The following MGAT4C variants were observed in gnomAD, a reference collection of about 807,000 sequenced individuals.
MGAT4C encodes the protein alpha-1,3-mannosyl-glycoprotein 4-beta-N-acetylglucosaminyltransferase C.
Under a neutral mutation model 40.1 loss-of-function variants are expected in MGAT4C, and 19 were observed. The observed-to-expected ratio is 0.47, with a 90% CI of 0.33 to 0.70. The LOEUF (loss-of-function observed/expected upper bound fraction) is 0.70, where lower values mean the gene tolerates loss of function less well. MGAT4C is among the 30% of genes least tolerant of loss of function. The probability of loss-of-function intolerance (pLI) is 0.02; values close to 1 mark genes in which losing one functional copy is unlikely to be tolerated. For missense variants in MGAT4C, 491 were observed against 563.2 expected (o/e 0.87, Z 1.30); for synonymous variants, 181 against 187.1 (o/e 0.97, Z 0.27).
chr12:86,813,644 C>T (rs1952522019), intron 1 of MGAT4C, among the ~76,000 whole-genome samples: 1 of 151,958 alleles, frequency 6.6e-6, no homozygotes, highest in Admixed American at 6.6e-5. Context: ...TGAGTCACTA[C>T]ATATTTCTGA....
In MGAT4C at chr12:85,979,282, T is replaced by G; in HGVS notation, c.*7A>C. 6.4e-7 allele frequency: 1 copy of G among 1,571,622 alleles called. No individual in the cohort carries two copies. The highest frequency in any genetic ancestry group is 8.6e-7 in the Non-Finnish European group (1 of 1,158,594). The stretch of plus-strand genomic sequence containing the variant: ...GCTTCAGAAACTGAACATACTGATT[T>G]AATTGGCTAAGAAGTCCAAATGCTA... On this transcript the variant is annotated 3_prime_UTR_variant, in exon 5 of 5. Coordinates refer to ENST00000611864, the MANE Select transcript of MGAT4C (RefSeq NM_001351288.2).
intron 1 of MGAT4C, among the ~76,000 whole-genome samples, chr12:86,765,731 A>AAT: frequency 6.6e-6 from 1 of 152,346 alleles, no homozygotes; most frequent in South Asian, 2.1e-4. Flanking sequence ...TAAAGAAAAG[A>AAT]ATATTCAACC....
intron 1 of MGAT4C, among the ~76,000 whole-genome samples, chr12:86,793,068 A>G (rs1952053639): frequency 6.6e-6 from 1 of 152,198 alleles, no homozygotes; most frequent in Admixed American, 6.5e-5. Context: ...AATACCCTAT[A>G]GCTTATTTGC....
intron 4 of MGAT4C, among the ~76,000 whole-genome samples, chr12:86,316,016 AT>A (rs1479877741): frequency 6.6e-6 from 1 of 150,812 alleles, no homozygotes; most frequent in Non-Finnish European, 1.5e-5. Context: ...AAAGCAAATA[AT>A]TCCATTAAAA....
intron 1 of MGAT4C, among the ~76,000 whole-genome samples, chr12:86,074,927 C>A (rs1031993464): frequency 6.6e-6 from 1 of 152,150 alleles, no homozygotes; most frequent in Non-Finnish European, 1.5e-5. Flanking sequence ...ATGGAAGCTA[C>A]AATTCAAAAT....
At chr12:86,054,426 G>A (rs1410773698) in intron 1 of MGAT4C, among the ~76,000 whole-genome samples, 2 of 151,972 alleles carry the variant, frequency 1.3e-5, no homozygotes, top group African/African-American at 4.8e-5. Flanking sequence ...GGCTGGAATG[G>A]AGGTGTGGAG....
intron 2 of MGAT4C, among the ~76,000 whole-genome samples, chr12:86,721,113 G>A (rs1445331418): frequency 6.6e-6 from 1 of 152,092 alleles, no homozygotes; most frequent in African/African-American, 2.4e-5. Flanking sequence ...ACTCATGCTT[G>A]AAAAACTAAA....
At chr12:86,655,752 C>A (rs79199787) in intron 2 of MGAT4C, among the ~76,000 whole-genome samples, 1,844 of 152,160 alleles carry the variant, frequency 0.012, 32 homozygotes, top group African/African-American at 0.042. Flanking sequence ...AGAACAAATC[C>A]TAGAACCATG....
chr12:86,476,755 G>GA (rs1317854137), intron 2 of MGAT4C, among the ~76,000 whole-genome samples: 12 of 152,024 alleles, frequency 7.9e-5, no homozygotes, highest in Admixed American at 3.3e-4. Context: ...CCATAAAAAG[G>GA]AAAAAAATTA....
intron 2 of MGAT4C, among the ~76,000 whole-genome samples, chr12:86,659,925 T>G (rs1304082244): frequency 2.0e-5 from 3 of 149,614 alleles, no homozygotes; most frequent in African/African-American, 7.4e-5. Flanking sequence ...AAGAGCAGGG[T>G]GATTAAAAAA....
chr12:86,504,588 T>C (rs1958436416), intron 2 of MGAT4C, among the ~76,000 whole-genome samples: 1 of 152,230 alleles, frequency 6.6e-6, no homozygotes, highest in South Asian at 2.1e-4. Context: ...CCAGTCAATC[T>C]AAATTCAGAA....
intron 1 of MGAT4C, among the ~76,000 whole-genome samples, chr12:86,788,793 T>C (rs1487681796): frequency 6.6e-6 from 1 of 152,162 alleles, no homozygotes; most frequent in African/African-American, 2.4e-5. Flanking sequence ...CAAAACATCA[T>C]TATGTAGAAA....
At chr12:86,700,684 T>C (rs1436036027) in intron 2 of MGAT4C, among the ~76,000 whole-genome samples, 1 of 152,120 alleles carries the variant, frequency 6.6e-6, no homozygotes, top group Non-Finnish European at 1.5e-5. Context: ...TAAATGACCA[T>C]AACTTTCCTG....
At position 86,333,517 on chromosome 12, in the gene MGAT4C, A is replaced by G. The variant is rs575253607; in HGVS notation, c.-57+548T>C. ...CAGGCTATCAAAGACAACTTATCAC[A>G]GGCCAAACAGTGAGCAGAGATGGCC... is the stretch of plus-strand genomic sequence containing the variant. On this transcript the variant is annotated intron_variant, in intron 4 of 7. Coordinates refer to the MGAT4C transcript ENST00000548651. Among the ~76,000 whole-genome samples the G allele has an allele frequency of 3.3e-5, 5 of 152,300 alleles. No homozygotes were observed. In the South Asian group the frequency reaches 1.0e-3, roughly 32 times the overall value.
At chr12:86,699,573 GC>G (rs1278348929) in intron 2 of MGAT4C, among the ~76,000 whole-genome samples, 2 of 151,984 alleles carry the variant, frequency 1.3e-5, no homozygotes, top group Non-Finnish European at 2.9e-5. Flanking sequence ...GGGGGTAGGA[GC>G]TGTTAACCCC....
At chr12:86,509,201 G>C (rs1232176764) in intron 2 of MGAT4C, among the ~76,000 whole-genome samples, 1 of 152,040 alleles carries the variant, frequency 6.6e-6, no homozygotes, top group Non-Finnish European at 1.5e-5. Context: ...GAGGTCTAAC[G>C]TTTAAGTCTT....
intron 3 of MGAT4C, among the ~76,000 whole-genome samples, chr12:86,358,090 T>C: frequency 6.6e-6 from 1 of 152,112 alleles, no homozygotes; most frequent in East Asian, 1.9e-4. Context: ...AAAGGTCAGG[T>C]TACTGACAAA....
At chr12:86,317,798 TAA>T (rs1392425387) in intron 4 of MGAT4C, among the ~76,000 whole-genome samples, 1 of 151,712 alleles carries the variant, frequency 6.6e-6, no homozygotes, top group Non-Finnish European at 1.5e-5. Context: ...TTCATGTATA[TAA>T]GAGACATTAC....
intron 2 of MGAT4C, among the ~76,000 whole-genome samples, chr12:86,703,147 G>C (rs984744110): frequency 3.3e-5 from 5 of 152,158 alleles, no homozygotes; most frequent in African/African-American, 9.6e-5. Flanking sequence ...CACGTAAATA[G>C]ATGAGGAATT....
Sources: gnomAD v4.1 joint callset for allele counts (sites outside exome capture counted in the v4.1 genomes callset) on GRCh38, gnomAD v4.1.1 for gene constraint, MANE v1.5 for transcripts, NCBI Gene and HGNC (gene_info 2026-07-23, HGNC 2026-07-21) for gene names.